The following AP3M2 variants were observed in gnomAD, a reference collection of about 807,000 sequenced individuals.
AP3M2 encodes adaptor related protein complex 3 subunit mu 2.
Under a neutral mutation model 41.6 loss-of-function variants are expected in AP3M2, and 28 were observed. The observed-to-expected ratio is 0.67, with a 90% CI of 0.50 to 0.92. AP3M2 has a LOEUF of 0.92. Ranked by LOEUF, AP3M2 falls within the 40% of genes least tolerant of loss-of-function variation. The pLI is 0.00. For missense variants in AP3M2, 427 were observed against 521.4 expected, an observed-to-expected ratio of 0.82 and a Z score of 1.76; for synonymous variants, 193 against 186.4, an observed-to-expected ratio of 1.04 and a Z score of -0.29.
intron 4 of AP3M2, 117 bp downstream of exon 4, chr8:42,162,535 T>TGGCACAAAGTAGGCACTAA: frequency 1.6e-6 from 2 of 1,234,210 alleles, no homozygotes; most frequent in Non-Finnish European, 2.2e-6. Context: ...ATTTAGTGCC[T>TGGCACAAAGTAGGCACTAA]ACTTTGTGCC....
At chr8:42,167,124 C>G in intron 6 of AP3M2, 40 bp from the exon 7 acceptor site, 1 of 1,577,544 alleles carries the variant, frequency 6.3e-7, no homozygotes. Flanking sequence ...ACCATTTTCC[C>G]AGTGCACGAA....
intron 6 of AP3M2, 45 bp downstream of exon 6, chr8:42,165,605 G>A (rs777767048): frequency 4.4e-6 from 7 of 1,604,820 alleles, no homozygotes; most frequent in Non-Finnish European, 4.3e-6. Context: ...GTATGTACAT[G>A]TATGTGGAAA....
chr8:42,161,678 T>C (rs756305110), intron 3 of AP3M2, among the ~76,000 whole-genome samples: 3 of 152,184 alleles, frequency 2.0e-5, no homozygotes, highest in Non-Finnish European at 4.4e-5. Context: ...GAATTTAAAT[T>C]AATGTATTTT....
chr8:42,161,856 T>G (rs1407407184), intron 3 of AP3M2, among the ~76,000 whole-genome samples: 1 of 152,196 alleles, frequency 6.6e-6, no homozygotes, highest in Admixed American at 6.5e-5. Context: ...CATATTGATA[T>G]GTACATTTTA....
intron 3 of AP3M2, among the ~76,000 whole-genome samples, chr8:42,158,833 G>A (rs1246805675): frequency 7.0e-6 from 1 of 142,704 alleles, no homozygotes; most frequent in Non-Finnish European, 1.5e-5. Context: ...TTGCTCTGTT[G>A]CCCAGGATGG....
chr8:42,154,627 T>TA lies in AP3M2; in HGVS notation c.-60dup, dbSNP rs530237596. 708 of 1,570,970 alleles carry TA rather than the reference T, an allele frequency of 4.5e-4. 8 individuals carry two copies. In the African/African-American group the frequency reaches 7.9e-3, roughly 18 times the overall value. On this transcript the variant is annotated 5_prime_UTR_variant, in exon 2 of 9. Transcript: ENST00000396926. Reference sequence around the variant, plus strand: ...GCTTTTGTTTTTAGAGTTGAAAACTTACAGAGTCCTGAGGCTTTCAGACTG... The same window carrying TA: ...GCTTTTGTTTTTAGAGTTGAAAACTTAACAGAGTCCTGAGGCTTTCAGACTG...
intron 4 of AP3M2, 45 bp from the exon 5 acceptor site, chr8:42,165,026 A>G: frequency 6.5e-7 from 1 of 1,546,446 alleles, no homozygotes; most frequent in Non-Finnish European, 8.9e-7. Flanking sequence ...AAGGACAGAG[A>G]AGTATTCAGT....
chr8:42,168,259 CTA>C (rs1804694801), intron 8 of AP3M2: 1 of 456,794 alleles, frequency 2.2e-6, no homozygotes, highest in African/African-American at 2.0e-5. Flanking sequence ...GGTCAGTTCA[CTA>C]TAGTCTGTGC....
chr8:42,159,550 G>A (rs190198247), intron 3 of AP3M2, among the ~76,000 whole-genome samples: 117 of 151,842 alleles, frequency 7.7e-4, no homozygotes, highest in Non-Finnish European at 1.5e-3. Context: ...TCATTTTTTT[G>A]TTGTTGAAAT....
rs948713687 is a variant in AP3M2, at chr8:42,154,914, C to T, written c.227C>T (p.Pro76Leu). Reference protein sequence around the residue: ...FVAVIQTEVPPLFVIEFLHRV... With the variant: ...FVAVIQTEVPLLFVIEFLHRV... ...GCCGTGATCCAGACGGAGGTCCCCCCTCTGTTTGTCATTGAGTTTCTTCAC... is the reference window on the plus strand; with the variant it reads ...GCCGTGATCCAGACGGAGGTCCCCCTTCTGTTTGTCATTGAGTTTCTTCAC... Residue 76 changes from proline (P) to leucine (L), a missense_variant, in exon 2 of 9, where the codon CCT becomes CTT. This residue lies in a region of AP3M2 where 104 missense variants were observed against 93.8 expected (regional missense o/e 1.11). Coordinates refer to ENST00000396926, the MANE Select transcript of AP3M2 (RefSeq NM_006803.4). The T allele has an allele frequency of 3.1e-6, 5 of 1,614,160 alleles. No homozygotes were observed. In the East Asian group the frequency reaches 8.9e-5, roughly 29 times the overall value.
intron 7 of AP3M2, 118 bp from the exon 8 acceptor site, chr8:42,167,548 G>A: frequency 7.2e-7 from 1 of 1,396,244 alleles, no homozygotes; most frequent in East Asian, 2.3e-5. Context: ...ATACCCAGAG[G>A]CAGCTTATAA....
At chr8:42,154,420 T>A (rs1804298920) in intron 1 of AP3M2, 196 bp from the exon 2 acceptor site, 1 of 397,084 alleles carries the variant, frequency 2.5e-6, no homozygotes, top group African/African-American at 2.0e-5. Flanking sequence ...ATAGTAAAGA[T>A]AACTGGGAGT....
At chr8:42,162,764 G>C (rs1305457042) in intron 4 of AP3M2, among the ~76,000 whole-genome samples, 10 of 151,936 alleles carry the variant, frequency 6.6e-5, no homozygotes, top group Admixed American at 3.9e-4. Flanking sequence ...GAGCAACATA[G>C]TGAGACCCCA....
chr8:42,155,981 C>G (rs1288600330), intron 2 of AP3M2: 1 of 456,260 alleles, frequency 2.2e-6, no homozygotes, highest in Non-Finnish European at 4.4e-6. Flanking sequence ...CTCTGTAGTA[C>G]TACTGTTCTG....
chr8:42,157,022 A>T (rs903893940), intron 2 of AP3M2, among the ~76,000 whole-genome samples: 1 of 152,240 alleles, frequency 6.6e-6, no homozygotes, highest in East Asian at 1.9e-4. Flanking sequence ...TCTCAAAAGG[A>T]GTAAATTTTC....
rs149080889 is a variant in AP3M2, at chr8:42,169,026, A to G, written c.1222A>G (p.Met408Val). 1 of 1,612,536 alleles carries G rather than the reference A, an allele frequency of 6.2e-7. No homozygotes were observed. The highest frequency in any genetic ancestry group is 8.5e-7 in the Non-Finnish European group (1 of 1,179,360). The change falls in exon 9 of 9, where the codon ATG becomes GTG. Residue 408 changes from methionine to valine, a missense_variant. Met to Val is a conservative substitution (Grantham distance 21, BLOSUM62 1). Transcript: ENST00000396926. ...CAAACCCTTTAAGGGCATAAAATACATGACCAAAGCTGGGAAGTTCCAAGT... is the reference window on the plus strand; with the variant it reads ...CAAACCCTTTAAGGGCATAAAATACGTGACCAAAGCTGGGAAGTTCCAAGT... ...KYKPFKGIKY[M>V]TKAGKFQVRT is the part of the protein sequence containing the mutation.
Position 42,171,119 on chromosome 8 carries a change from G to A in AP3M2, c.*2058G>A, listed in dbSNP as rs1344169931. 1 of 152,278 alleles carries A rather than the reference G, an allele frequency of 6.6e-6. No homozygotes were observed. Among genetic ancestry groups the A allele is most frequent in the Non-Finnish European group, 1.5e-5 (1 of 68,074 alleles). 9.4% of individuals were successfully genotyped at this position (152,278 alleles called of 1,614,324 possible). A position where few individuals can be genotyped will look rare whatever the true frequency, so the allele number is the denominator to read the frequency against. On this transcript the variant is annotated 3_prime_UTR_variant, in exon 9 of 9. Transcript: ENST00000396926. ...TCTCCATCGAGCTGTTTGGTTCCAT[G>A]TGTGTTTAACATGTGCAGAAGTAGC...
intron 7 of AP3M2, 27 bp from the exon 8 acceptor site, chr8:42,167,639 A>T: frequency 1.3e-6 from 2 of 1,594,772 alleles, no homozygotes; most frequent in Non-Finnish European, 1.7e-6. Flanking sequence ...TGGAAAGACC[A>T]CTTCTCCATT....
Position 42,170,209 on chromosome 8 carries a change from GAAGCTGCTTGGTAAAGTT to G in AP3M2, c.*1150_*1167del, listed in dbSNP as rs1336930577. 1 of 152,232 alleles carries G rather than the reference GAAGCTGCTTGGTAAAGTT, an allele frequency of 6.6e-6. No homozygotes were observed. Among genetic ancestry groups the G allele is most frequent in the Non-Finnish European group, 1.5e-5 (1 of 68,042 alleles). The allele number at this position is 152,232 out of a possible 1,614,324, so 9.4% of individuals were successfully genotyped here. A position where few individuals can be genotyped will look rare whatever the true frequency, so the allele number is the denominator to read the frequency against. ...ACCATCGAGGGTGTGGTTGATCCTTGAAGCTGCTTGGTAAAGTTATCATTTCCTCAGTCTTTTCTTTTG... is the reference window on the plus strand; with the variant it reads ...ACCATCGAGGGTGTGGTTGATCCTTGATCATTTCCTCAGTCTTTTCTTTTG... On this transcript the variant is annotated 3_prime_UTR_variant, in exon 9 of 9. Transcript: ENST00000396926.
Sources: gnomAD v4.1 joint callset for allele counts (sites outside exome capture counted in the v4.1 genomes callset) on GRCh38, gnomAD v4.1.1 for gene constraint, gnomAD v4.1.1 regional missense constraint, MANE v1.5 for transcripts, NCBI Gene and HGNC (gene_info 2026-07-23, HGNC 2026-07-21) for gene names.